GLYATL1B: variants seen among roughly 807,000 people sequenced by gnomAD.
GLYATL1B encodes the protein glycine-N-acyltransferase like 1B.
GLYATL1B carries 6 observed loss-of-function variants against 5.5 expected under a neutral mutation model. The ratio of observed to expected loss-of-function variants is 1.09; its 90% CI spans 0.60 to 2.15. The LOEUF (loss-of-function observed/expected upper bound fraction) is 2.15. GLYATL1B is among the 30% of genes most tolerant of loss of function. The pLI is 0.00. For synonymous variants in GLYATL1B, 67 were observed against 34.9 expected, an observed-to-expected ratio of 1.92 and a Z score of -3.24; for missense variants, 135 against 94.1, an observed-to-expected ratio of 1.43 and a Z score of -1.80.
At chr11:59,090,114 T>G (rs888115502) in intron 2 of GLYATL1B, among the ~76,000 whole-genome samples, 1 of 152,126 alleles carries the variant, frequency 6.6e-6, no homozygotes, top group Non-Finnish European at 1.5e-5. Flanking sequence ...ATGTCTATTT[T>G]GTCATATAAC....
intron 2 of GLYATL1B, among the ~76,000 whole-genome samples, chr11:59,092,041 T>C (rs1452635432): frequency 1.3e-5 from 2 of 152,230 alleles, no homozygotes; most frequent in African/African-American, 2.4e-5. Context: ...TGATAGTTTA[T>C]TCTTGAGGGA....
chr11:59,092,176 T>C (rs1859328216), intron 2 of GLYATL1B, among the ~76,000 whole-genome samples: 1 of 152,074 alleles, frequency 6.6e-6, no homozygotes. Flanking sequence ...TTTTTTCTTT[T>C]TTCTCTTTCT....
intron 2 of GLYATL1B, among the ~76,000 whole-genome samples, chr11:59,087,968 A>G (rs955389706): frequency 2.0e-5 from 3 of 152,230 alleles, no homozygotes; most frequent in African/African-American, 7.2e-5. Context: ...TTACAAAGTG[A>G]GCTTTAATAT....
rs1431267519 is a variant in GLYATL1B at position 59,094,732 on chromosome 11, C to G, written c.855C>G (p.Ala285=). 2.1e-6 allele frequency: 1 copy of G among 465,528 alleles called. No individual in the cohort carries two copies. Among genetic ancestry groups the G allele is most frequent in the Non-Finnish European group, 3.9e-6 (1 of 255,658 alleles). 28.8% of individuals were successfully genotyped at this position (465,528 alleles called of 1,614,324 possible). Residue 285 remains alanine (A), a synonymous_variant, in exon 5 of 5, where the codon GCC becomes GCG. Transcript: ENST00000527482. The part of the protein sequence containing the change: ...RKTSALGFLE[A]SCQWHQWNCY... ...CTAGTGCACTAGGTTTCCTTGAGGC[C>G]TCCTGTCAGTGGCACCAATGGAACT...
intron 2 of GLYATL1B, 111 bp from the exon 3 acceptor site, chr11:59,093,417 TG>T: frequency 2.5e-6 from 1 of 406,250 alleles, no homozygotes; most frequent in Non-Finnish European, 4.4e-6. Flanking sequence ...GCAGCCATCG[TG>T]GGCTAGTGCT....
At chr11:59,090,778 T>C (rs1370429628) in intron 2 of GLYATL1B, among the ~76,000 whole-genome samples, 1 of 152,138 alleles carries the variant, frequency 6.6e-6, no homozygotes, top group Non-Finnish European at 1.5e-5. Flanking sequence ...TATGGGTTTT[T>C]ACTTTCTTGC....
intron 2 of GLYATL1B, among the ~76,000 whole-genome samples, chr11:59,091,143 G>A (rs10896914): frequency 0.16 from 24,796 of 151,926 alleles, 2,198 homozygotes; most frequent in Non-Finnish European, 0.2. Flanking sequence ...ATATGCTACT[G>A]AATATTTTAT....
At chr11:59,087,521 C>G (rs1303282741) in intron 2 of GLYATL1B, among the ~76,000 whole-genome samples, 2 of 152,018 alleles carry the variant, frequency 1.3e-5, no homozygotes, top group African/African-American at 4.8e-5. Flanking sequence ...GACTTAGAAC[C>G]AAAAACCAAG....
rs559091013 is a variant in GLYATL1B, at chr11:59,087,299, G to T, written c.186+128G>T. 533 of 407,840 alleles carry T rather than the reference G, an allele frequency of 1.3e-3. 1 individual carries two copies. The highest frequency in any genetic ancestry group is 7.9e-3 in the African/African-American group (387 of 49,138). 25.3% of individuals were successfully genotyped at this position (407,840 alleles called of 1,614,324 possible). On this transcript the variant is annotated intron_variant, in intron 2 of 4. Transcript: ENST00000527482. ...GTGAGTATTTTAAAACACTCCTTCA[G>T]TACTGGGCAGCTTGCGTGAGTGCCA...
At chr11:59,087,674 A>T (rs1859218242) in intron 2 of GLYATL1B, among the ~76,000 whole-genome samples, 1 of 152,142 alleles carries the variant, frequency 6.6e-6, no homozygotes, top group African/African-American at 2.4e-5. Context: ...ATGAGACCTC[A>T]TCTCTACAAA....
chr11:59,087,240 A>G, intron 2 of GLYATL1B, 69 bp downstream of exon 2: 1 of 465,488 alleles, frequency 2.1e-6, no homozygotes, highest in Non-Finnish European at 3.8e-6. Context: ...TCCAATTCAG[A>G]CACCATGGCT....
At chr11:59,093,416 G>C (rs553997855) in intron 2 of GLYATL1B, 113 bp from the exon 3 acceptor site, 55 of 402,984 alleles carry the variant, frequency 1.4e-4, no homozygotes, top group Non-Finnish European at 2.2e-4. Context: ...TGCAGCCATC[G>C]TGGGCTAGTG....
At chr11:59,090,723 G>A (rs1009717738) in intron 2 of GLYATL1B, among the ~76,000 whole-genome samples, 2 of 151,900 alleles carry the variant, frequency 1.3e-5, no homozygotes, top group Non-Finnish European at 1.5e-5. Flanking sequence ...GTGTAATACT[G>A]TAATCTATAA....
chr11:59,094,583 GA>G lies in GLYATL1B; in HGVS notation c.711del (p.Lys237AsnfsTer11). ...SCEIGMGYSV[E>X]KYRRRGNGTR... Reference sequence around the variant, plus strand: ...TGAAATAGGAATGGGCTACAGTGTGGAAAAATACCGAAGGAGAGGCAATGGG... The same window carrying G: ...TGAAATAGGAATGGGCTACAGTGTGGAAAATACCGAAGGAGAGGCAATGGG... On this transcript the variant is annotated frameshift_variant, in exon 5 of 5. Transcript: ENST00000527482. LOFTEE classifies it low-confidence loss of function (END_TRUNC). The G allele has an allele frequency of 4.0e-6, 2 of 502,982 alleles. No individual in the cohort carries two copies. The highest frequency in any genetic ancestry group is 3.2e-5 in the East Asian group (1 of 31,264). The allele number at this position is 502,982 out of a possible 1,614,324, so 31.2% of individuals were successfully genotyped here.
At chr11:59,092,452 C>T (rs1859335426) in intron 2 of GLYATL1B, among the ~76,000 whole-genome samples, 1 of 152,162 alleles carries the variant, frequency 6.6e-6, no homozygotes, top group Non-Finnish European at 1.5e-5. Flanking sequence ...AAAACATCTA[C>T]TCTTTTAAAT....
chr11:59,090,989 T>G (rs1859296398), intron 2 of GLYATL1B, among the ~76,000 whole-genome samples: 1 of 152,218 alleles, frequency 6.6e-6, no homozygotes, highest in South Asian at 2.1e-4. Context: ...ACGGTAGATT[T>G]TATGTTATTT....
intron 2 of GLYATL1B, among the ~76,000 whole-genome samples, chr11:59,088,427 C>T (rs934363424): frequency 6.6e-5 from 10 of 152,106 alleles, no homozygotes; most frequent in African/African-American, 1.9e-4. Flanking sequence ...TGGGTATAGA[C>T]ACTGAGCCCC....
At chr11:59,093,234 C>T (rs1859356546) in intron 2 of GLYATL1B, among the ~76,000 whole-genome samples, 1 of 152,140 alleles carries the variant, frequency 6.6e-6, no homozygotes, top group Non-Finnish European at 1.5e-5. Flanking sequence ...AAAAGTGAGG[C>T]ATCTTAAGGC....
intron 2 of GLYATL1B, among the ~76,000 whole-genome samples, chr11:59,091,370 G>A (rs1228556800): frequency 6.6e-6 from 1 of 152,046 alleles, no homozygotes; most frequent in Non-Finnish European, 1.5e-5. Flanking sequence ...TTAGATAAAG[G>A]GGGTACATGT....
Sources: gnomAD v4.1 joint callset for allele counts (sites outside exome capture counted in the v4.1 genomes callset) on GRCh38, gnomAD v4.1.1 for gene constraint, MANE v1.5 for transcripts, NCBI Gene and HGNC (gene_info 2026-07-23, HGNC 2026-07-21) for gene names.